The following RBM22 variants were observed in gnomAD, a reference collection of about 807,000 sequenced individuals.
RBM22 encodes the protein RNA binding motif protein 22, also known as pre-mRNA-splicing factor RBM22.
A neutral mutation model predicts 50.1 loss-of-function variants in RBM22; 1 was observed. The observed-to-expected ratio is 0.02, with a 90% CI of 0.01 to 0.09. The LOEUF is 0.09. Among genes scored for constraint, RBM22 ranks in the 10% least tolerant of loss-of-function variants. The pLI, the probability that RBM22 is intolerant of heterozygous loss-of-function variation, is 1.00. For missense variants in RBM22, 264 were observed against 529.3 expected (o/e 0.50, Z 4.92); for synonymous variants, 152 against 179.0 (o/e 0.85, Z 1.20).
At chr5:150,694,449 A>C in intron 7 of RBM22, 2 of 730,212 alleles carry the variant, frequency 2.7e-6, no homozygotes, top group Non-Finnish European at 4.0e-6. Flanking sequence ...TGAGTAAATA[A>C]AGGTTCTCAA....
chr5:150,693,962 T>TTAA, intron 8 of RBM22, 114 bp downstream of exon 8: 1 of 1,326,978 alleles, frequency 7.5e-7, no homozygotes, highest in Non-Finnish European at 1.0e-6. Flanking sequence ...AAAGATCTCT[T>TTAA]TAAAGATCCT....
rs1759233301 is a variant in RBM22 at position 150,693,296 on chromosome 5, G to A, written c.923C>T (p.Ala308Val). Residue 308 changes from alanine (A) to valine (V), a missense_variant, in exon 9 of 11, where the codon GCC becomes GTC. By Grantham distance (64) the Ala-to-Val change is moderately conservative. Coordinates refer to ENST00000199814, the MANE Select transcript of RBM22 (RefSeq NM_018047.3). ...ATCTTTCTCTTTTTCTTTTCCTCTG[G>A]CTGCCTGGGATCTGGGAAACACACA... ...LNVKWGRSQAARGKEKEKDGT... is the reference protein window; with the variant it reads ...LNVKWGRSQAVRGKEKEKDGT... 1 of 1,612,926 alleles carries A rather than the reference G, an allele frequency of 6.2e-7. No individual in the cohort carries two copies.
rs1759207449 is a variant in RBM22 at position 150,691,444 on chromosome 5, G to C, written c.*307C>G. The C allele has an allele frequency of 4.5e-6, 1 of 220,552 alleles. No homozygotes were observed. The highest frequency in any genetic ancestry group is 1.8e-4 in the South Asian group (1 of 5,498). 13.7% of individuals were successfully genotyped at this position (220,552 alleles called of 1,614,324 possible). The stretch of plus-strand genomic sequence containing the variant: ...ATACAAAATGAACATATAATTGGGA[G>C]GGTAACTCTGCTGGACATTCCAATT... On this transcript the variant is annotated 3_prime_UTR_variant, in exon 11 of 11. Transcript: ENST00000199814.
At position 150,700,344 on chromosome 5, in the gene RBM22, G is replaced by A. The variant is rs1759329707; in HGVS notation, c.108+100C>T. 7 of 1,198,290 alleles carry A rather than the reference G, an allele frequency of 5.8e-6. No individual in the cohort carries two copies. The South Asian group carries it at 8.3e-5, about 14-fold the overall frequency. 74.2% of individuals were successfully genotyped at this position (1,198,290 alleles called of 1,614,324 possible). A position where few individuals can be genotyped will look rare whatever the true frequency, so the allele number is the denominator to read the frequency against. The stretch of plus-strand genomic sequence containing the variant: ...TCCAGCACTTCGCGTTAGTAAAAGA[G>A]CATCATTTTTTCTGCTTGTCTAAGA... On this transcript the variant is annotated intron_variant, in intron 2 of 10. Coordinates refer to ENST00000199814, the MANE Select transcript of RBM22 (RefSeq NM_018047.3).
Position 150,700,358 on chromosome 5 carries a change from G to T in RBM22, c.108+86C>A. ...TTAGTAAAAGAGCATCATTTTTTCT[G>T]CTTGTCTAAGAGAAACACTTCACAG... is the stretch of plus-strand genomic sequence containing the variant. On this transcript the variant is annotated intron_variant, in intron 2 of 10. Coordinates refer to ENST00000199814, the MANE Select transcript of RBM22 (RefSeq NM_018047.3). The T allele has an allele frequency of 3.0e-6, 4 of 1,325,712 alleles. No individual in the cohort carries two copies. The Admixed American group carries it at 6.0e-5, about 20-fold the overall frequency. 82.1% of individuals were successfully genotyped at this position (1,325,712 alleles called of 1,614,324 possible). A position where few individuals can be genotyped will look rare whatever the true frequency, so the allele number is the denominator to read the frequency against.
At chr5:150,695,464 C>A (rs896529231) in intron 7 of RBM22, 42 bp downstream of exon 7, 2 of 1,457,744 alleles carry the variant, frequency 1.4e-6, no homozygotes, top group Admixed American at 3.7e-5. Flanking sequence ...TATTCCAGGG[C>A]AGTTAAAGGC....
chr5:150,694,314 A>G (rs1759246322), intron 7 of RBM22, 74 bp from the exon 8 acceptor site: 4 of 1,517,684 alleles, frequency 2.6e-6, no homozygotes, highest in African/African-American at 1.4e-5. Context: ...AAAATGGATT[A>G]ACTTTCACTG....
chr5:150,694,359 T>A, intron 7 of RBM22, 119 bp from the exon 8 acceptor site: 1 of 1,424,200 alleles, frequency 7.0e-7, no homozygotes, highest in Non-Finnish European at 9.2e-7. Context: ...CAAGGTTATC[T>A]GCCTAACTAC....
In RBM22 at chr5:150,692,914, A is replaced by G; in HGVS notation, c.1113T>C (p.Ile371=). The G allele has an allele frequency of 6.2e-7, 1 of 1,608,950 alleles. No homozygotes were observed. Among genetic ancestry groups the G allele is most frequent in the Non-Finnish European group, 8.5e-7 (1 of 1,177,828 alleles). The change falls in exon 10 of 11, where the codon ATT becomes ATC. Residue 371 remains isoleucine (I), a synonymous_variant. Coordinates refer to ENST00000199814, the MANE Select transcript of RBM22 (RefSeq NM_018047.3). ...AGTTACCTGGGGGTGGGGGTGGAGC[A>G]ATGCCAGGGGGCGGTGGCAGAGCAA... is the stretch of plus-strand genomic sequence containing the variant. The part of the protein sequence containing the change: ...VNIALPPPPG[I]APPPPPGFGP...
intron 4 of RBM22, among the ~76,000 whole-genome samples, chr5:150,698,156 T>C (rs1279541430): frequency 6.6e-6 from 1 of 152,144 alleles, no homozygotes; most frequent in East Asian, 1.9e-4. Context: ...AATTACCCTG[T>C]GAGCTTCTGA....
chr5:150,698,653 A>G, intron 3 of RBM22, 22 bp from the exon 4 acceptor site: 1 of 1,613,202 alleles, frequency 6.2e-7, no homozygotes, highest in Non-Finnish European at 8.5e-7. Context: ...AGCAAGAGCC[A>G]TAGAATGTCA....
At chr5:150,694,299 G>C (rs1032758989) in intron 7 of RBM22, 59 bp from the exon 8 acceptor site, 18 of 1,548,958 alleles carry the variant, frequency 1.2e-5, no homozygotes, top group African/African-American at 1.4e-5. Flanking sequence ...GTACCCAGGA[G>C]ACTGAAAATG....
chr5:150,697,008 C>T (rs1157836863), intron 4 of RBM22, 117 bp from the exon 5 acceptor site: 6 of 947,554 alleles, frequency 6.3e-6, no homozygotes, highest in African/African-American at 1.7e-5. Flanking sequence ...GTACCAGAGA[C>T]TTTACTATGT....
rs753567991 is a variant in RBM22 at position 150,696,776 on chromosome 5, A to T, written c.372+15T>A. On this transcript the variant is annotated intron_variant, in intron 5 of 10. Transcript: ENST00000199814. This position sits in a 1 kb window ranked among gnomAD's most constrained non-coding sequence, Gnocchi z 4.3. ...TCAATTCATTAGGATTTTTATCCAA[A>T]AAGTGGCAGCATACCTCTCTCTCCA... The T allele has an allele frequency of 4.3e-6, 7 of 1,613,742 alleles. No individual in the cohort carries two copies. The highest frequency in any genetic ancestry group is 5.9e-6 in the Non-Finnish European group (7 of 1,179,724).
At position 150,696,857 on chromosome 5, in the gene RBM22, A is replaced by C. The variant is rs2151457093; in HGVS notation, c.306T>G (p.Ser102=). 6.2e-7 allele frequency: 1 copy of C among 1,614,252 alleles called. No homozygotes were observed. Among genetic ancestry groups the C allele is most frequent in the East Asian group, 2.2e-5 (1 of 44,888 alleles). ...CTGACTTTGGCATGTCATCTTTAAAAGACAATCCTGCGTCACGAACCTGGA... is the reference window on the plus strand; with the variant it reads ...CTGACTTTGGCATGTCATCTTTAAACGACAATCCTGCGTCACGAACCTGGA... The part of the protein sequence containing the change: ...LPIQVRDAGL[S]FKDDMPKSDV... The change falls in exon 5 of 11, where the codon TCT becomes TCG. Residue 102 remains serine (S), a synonymous_variant. Transcript: ENST00000199814. The surrounding 1 kb of genome is among the most constrained non-coding windows in gnomAD (Gnocchi z 4.3).
rs1197481272 is a variant in RBM22, at chr5:150,700,905, C to A, written c.54+27G>T. ...AGGTGCGCGGCTTCGCCTCCTCCTT[C>A]CATCCTCCTCCGGCAGGCACACTCA... On this transcript the variant is annotated intron_variant, in intron 1 of 10. Coordinates refer to ENST00000199814, the MANE Select transcript of RBM22 (RefSeq NM_018047.3). 3 of 1,614,078 alleles carry A rather than the reference C, an allele frequency of 1.9e-6. No individual in the cohort carries two copies. The Admixed American group carries it at 5.0e-5, about 27-fold the overall frequency.
At chr5:150,693,970 C>G (rs1383142719) in intron 8 of RBM22, 106 bp downstream of exon 8, 1 of 1,359,574 alleles carries the variant, frequency 7.4e-7, no homozygotes, top group African/African-American at 1.5e-5. Flanking sequence ...CTTTAAAGAT[C>G]CTGTTCATTT....
rs753286282 is a variant in RBM22, at chr5:150,692,921, G to A, written c.1106C>T (p.Pro369Leu). The change falls in exon 10 of 11, where the codon CCT becomes CTT. Residue 369 changes from proline (P) to leucine (L), a missense_variant. Transcript: ENST00000199814. ...TGGGGGTGGGGGTGGAGCAATGCCAGGGGGCGGTGGCAGAGCAATGTTCAC... is the reference window on the plus strand; with the variant it reads ...TGGGGGTGGGGGTGGAGCAATGCCAAGGGGCGGTGGCAGAGCAATGTTCAC... ...AVVNIALPPP[P>L]GIAPPPPPGF... 1.9e-6 allele frequency: 3 copies of A among 1,610,452 alleles called. No homozygotes were observed. The highest frequency in any genetic ancestry group is 1.7e-5 in the Admixed American group (1 of 59,348).
At chr5:150,692,713 C>T (rs914323548) in intron 10 of RBM22, among the ~76,000 whole-genome samples, 182 bp downstream of exon 10, 12 of 152,242 alleles carry the variant, frequency 7.9e-5, no homozygotes, top group Non-Finnish European at 1.3e-4. Context: ...AAACTGGCCC[C>T]TTTCTTCTCC....
Sources: gnomAD v4.1 joint callset for allele counts (sites outside exome capture counted in the v4.1 genomes callset) on GRCh38, gnomAD v4.1.1 for gene constraint, Gnocchi (gnomAD v3.1) non-coding constraint, MANE v1.5 for transcripts, NCBI Gene and HGNC (gene_info 2026-07-23, HGNC 2026-07-21) for gene names.